The following TTLL4 variants were observed in gnomAD, a reference collection of about 807,000 sequenced individuals.
TTLL4 encodes tubulin tyrosine ligase like 4, also known as tubulin monoglutamylase TTLL4.
In TTLL4, 85 loss-of-function variants were observed where a neutral mutation model predicts 122.7. That is an observed-to-expected ratio of 0.69 (90% CI 0.58 to 0.83). The LOEUF is 0.83. Ranked by LOEUF, TTLL4 falls within the 40% of genes least tolerant of loss-of-function variation. The pLI is 0.00. For missense variants in TTLL4, 1,363 were observed against 1,488.6 expected (o/e 0.92, Z 1.39); for synonymous variants, 553 against 563.0 (o/e 0.98, Z 0.25).
rs12611516 is a variant in TTLL4, at chr2:218,726,057, C to T, written c.-177-1212C>T. 2.0e-5 allele frequency among the ~76,000 whole-genome samples: 3 copies of T among 151,678 alleles called. No individual in the cohort carries two copies. In the East Asian group the frequency reaches 5.8e-4, roughly 29 times the overall value. ...TTTTTGCATGTTAATTTTTTTTTCC[C>T]CTTCAAATTGAAGAACTATCTTTAG... On this transcript the variant is annotated intron_variant, in intron 1 of 19. Transcript: ENST00000392102.
chr2:218,739,049 A>T lies in TTLL4; in HGVS notation c.1373A>T (p.Gln458Leu), dbSNP rs1387512877. Residue 458 changes from glutamine (Q) to leucine (L), a missense_variant, in exon 3 of 20, where the codon CAA becomes CTA. Gln to Leu is a moderately radical substitution (Grantham distance 113). Coordinates refer to ENST00000392102, the MANE Select transcript of TTLL4 (RefSeq NM_014640.5). ...AAAGCTCCAGGTCCCCCTTTTCCTC[A>T]AACTCTTGGCATAGCCAACGTGGCC... The part of the protein sequence containing the change: ...EGKAPGPPFP[Q>L]TLGIANVATR... The T allele has an allele frequency of 7.4e-6, 12 of 1,613,982 alleles. No homozygotes were observed. The highest frequency in any genetic ancestry group is 1.0e-5 in the Non-Finnish European group (12 of 1,180,026).
rs776495721 is a variant in TTLL4 at position 218,718,389 on chromosome 2, T to C, written c.-178+7352T>C. On this transcript the variant is annotated intron_variant, in intron 1 of 19. Transcript: ENST00000392102. ...ATAGATTTTCTTTTCTTTTTTTTTT[T>C]TCTTTTGAGACGCAGTTTCACTCTT... Among the ~76,000 whole-genome samples the C allele has an allele frequency of 3.9e-5, 6 of 152,068 alleles. No homozygotes were observed. The East Asian group carries it at 1.2e-3, about 29-fold the overall frequency.
chr2:218,737,576 C>G lies in TTLL4; in HGVS notation c.-98-3C>G. ...CATTTCCTATCATTTCTCTCCACTTCAGACTGACAGACTTCAAGGATGCAG... is the reference window on the plus strand; with the variant it reads ...CATTTCCTATCATTTCTCTCCACTTGAGACTGACAGACTTCAAGGATGCAG... On this transcript the variant is annotated splice_polypyrimidine_tract_variant and splice_region_variant and intron_variant, in intron 2 of 19. Transcript: ENST00000392102. The G allele has an allele frequency of 7.4e-7, 1 of 1,348,586 alleles. No individual in the cohort carries two copies. Among genetic ancestry groups the G allele is most frequent in the Non-Finnish European group, 1.0e-6 (1 of 983,726 alleles). 83.5% of individuals were successfully genotyped at this position (1,348,586 alleles called of 1,614,324 possible).
rs146513997 is a variant in TTLL4 at position 218,738,445 on chromosome 2, G to C, written c.769G>C (p.Gly257Arg). ...IQPVSWHHSG[G>R]TGDCAPQPVD... The stretch of plus-strand genomic sequence containing the variant: ...GCCTGTCTCCTGGCATCATTCAGGG[G>C]GTACTGGAGACTGTGCACCGCAGCC... The change falls in exon 3 of 20, where the codon GGT becomes CGT. Residue 257 changes from glycine to arginine, a missense_variant. Transcript: ENST00000392102. 3.7e-6 allele frequency: 6 copies of C among 1,614,066 alleles called. No individual in the cohort carries two copies. Among genetic ancestry groups the C allele is most frequent in the African/African-American group, 1.3e-5 (1 of 74,918 alleles).
intron 14 of TTLL4, among the ~76,000 whole-genome samples, chr2:218,749,758 C>T (rs539035300): frequency 7.2e-5 from 11 of 152,198 alleles, no homozygotes; most frequent in South Asian, 2.1e-4. Flanking sequence ...TGAGCCACCA[C>T]GCCCAGCCAG....
At chr2:218,748,654 CAAAA>C (rs570493846) in intron 12 of TTLL4, 178 bp from the exon 13 acceptor site, 6,387 of 227,912 alleles carry the variant, frequency 0.028, 25 homozygotes, top group Non-Finnish European at 0.037. Context: ...AACTCCATCT[CAAAA>C]AAAAAAAAAA....
chr2:218,733,029 C>T (rs1942422493), intron 2 of TTLL4, among the ~76,000 whole-genome samples: 1 of 152,118 alleles, frequency 6.6e-6, no homozygotes, highest in Non-Finnish European at 1.5e-5. Flanking sequence ...TTTGTCTTTG[C>T]TTGGTAATTC....
rs201569250 is a variant in TTLL4, at chr2:218,739,153, A to G, written c.1477A>G (p.Arg493Gly). ...GGCCAGGGAGCTGGACTCATCTGAT[A>G]GGGATATTAGGTATGTTGGCAATGT... ...EEARELDSSD[R>G]DISSATDLQP... Residue 493 changes from arginine to glycine, a missense_variant, in exon 3 of 20, where the codon AGG becomes GGG. Arg to Gly is a moderately radical substitution (Grantham distance 125, BLOSUM62 -2). Around this residue, in one of 3 missense-constraint regions of TTLL4, gnomAD observed 760 missense variants for 808.4 expected, o/e 0.94. Transcript: ENST00000392102. 7.5e-6 allele frequency: 12 copies of G among 1,610,380 alleles called. No individual in the cohort carries two copies. The highest frequency in any genetic ancestry group is 9.3e-6 in the Non-Finnish European group (11 of 1,178,978).
At chr2:218,753,544 C>T in intron 18 of TTLL4, 40 bp from the exon 19 acceptor site, 1 of 1,604,020 alleles carries the variant, frequency 6.2e-7, no homozygotes, top group South Asian at 1.1e-5. Context: ...TGCCTTGCCT[C>T]CGCCAAGCCT....
At chr2:218,749,221 T>C in intron 13 of TTLL4, 32 bp from the exon 14 acceptor site, 1 of 1,612,960 alleles carries the variant, frequency 6.2e-7, no homozygotes, top group Non-Finnish European at 8.5e-7. Flanking sequence ...TGGGAGGAGC[T>C]GAACTGAGTA....
Position 218,748,291 on chromosome 2 carries a change from G to C in TTLL4, c.2501+64G>C, listed in dbSNP as rs112019710. The C allele has an allele frequency of 6.3e-6, 10 of 1,599,674 alleles. No individual in the cohort carries two copies. The African/African-American group carries it at 1.2e-4, about 19-fold the overall frequency. ...GAGGAATACAGGGTTCTGGGGTTTTGGGAGGTTCAGGGGCATGGCGAGTGG... is the reference window on the plus strand; with the variant it reads ...GAGGAATACAGGGTTCTGGGGTTTTCGGAGGTTCAGGGGCATGGCGAGTGG... On this transcript the variant is annotated intron_variant, in intron 12 of 19. Coordinates refer to ENST00000392102, the MANE Select transcript of TTLL4 (RefSeq NM_014640.5).
intron 7 of TTLL4, 41 bp from the exon 8 acceptor site, chr2:218,746,114 T>G: frequency 1.0e-4 from 166 of 1,602,064 alleles, no homozygotes; most frequent in Non-Finnish European, 1.3e-4. Flanking sequence ...GTCCCTGGAC[T>G]GAGCTGTTAG....
intron 7 of TTLL4, 49 bp from the exon 8 acceptor site, chr2:218,746,106 C>G: frequency 5.0e-6 from 8 of 1,608,536 alleles, no homozygotes; most frequent in Non-Finnish European, 6.8e-6. Context: ...CTCTCTCTGT[C>G]CCTGGACTGA....
In TTLL4 at chr2:218,751,051, T is replaced by C. The variant is rs192989921; in HGVS notation, c.2874-653T>C. ...AGGAGAAAACTGAAGCTCTTTGGGATTAAGTAGCCCATCAAAGTTATTCAA... is the reference window on the plus strand; with the variant it reads ...AGGAGAAAACTGAAGCTCTTTGGGACTAAGTAGCCCATCAAAGTTATTCAA... On this transcript the variant is annotated intron_variant, in intron 15 of 19. Transcript: ENST00000392102. 3.7e-3 allele frequency among the ~76,000 whole-genome samples: 566 copies of C among 152,260 alleles called. 2 individuals are homozygous for C. The highest frequency in any genetic ancestry group is 0.013 in the African/African-American group (530 of 41,542).
rs1942607375 is a variant in TTLL4 at position 218,738,654 on chromosome 2, T to C, written c.978T>C (p.Asp326=). ...PLSCALDDSS[D]SQDPTKEIRF... is the part of the protein sequence containing the mutation. Reference sequence around the variant, plus strand: ...CCTGTGCTCTGGATGACAGCTCTGATTCCCAGGATCCAACTAAGGAGATTC... The same window carrying C: ...CCTGTGCTCTGGATGACAGCTCTGACTCCCAGGATCCAACTAAGGAGATTC... The change falls in exon 3 of 20, where the codon GAT becomes GAC. Residue 326 remains aspartate (D), a synonymous_variant. Coordinates refer to ENST00000392102, the MANE Select transcript of TTLL4 (RefSeq NM_014640.5). 6.2e-7 allele frequency: 1 copy of C among 1,614,080 alleles called. No homozygotes were observed. The highest frequency in any genetic ancestry group is 1.3e-5 in the African/African-American group (1 of 74,936).
At position 218,739,115 on chromosome 2, in the gene TTLL4, A is replaced by G. The variant is rs1353019934; in HGVS notation, c.1439A>G (p.Glu480Gly). The G allele has an allele frequency of 1.9e-6, 3 of 1,614,070 alleles. No homozygotes were observed. The highest frequency in any genetic ancestry group is 2.2e-5 in the South Asian group (2 of 91,092). ...ATCCAGCTGGGCCAGTCTGAGAAGG[A>G]GAGACCTGAGGAGGCCAGGGAGCTG... ...SSIQLGQSEK[E>G]RPEEARELDS... Residue 480 changes from glutamate (E) to glycine (G), a missense_variant, in exon 3 of 20, where the codon GAG (glutamate) becomes GGG (glycine). Around this residue, in one of 3 missense-constraint regions of TTLL4, gnomAD observed 760 missense variants for 808.4 expected, o/e 0.94. Transcript: ENST00000392102.
chr2:218,740,748 G>T (rs1188754524), intron 5 of TTLL4, among the ~76,000 whole-genome samples, 164 bp downstream of exon 5: 1 of 152,094 alleles, frequency 6.6e-6, no homozygotes, highest in Admixed American at 6.6e-5. Context: ...GTAATGGGGG[G>T]CCAGAAGCAC....
At chr2:218,753,026 C>A in intron 17 of TTLL4, 53 bp downstream of exon 17, 1 of 1,613,276 alleles carries the variant, frequency 6.2e-7, no homozygotes, top group Non-Finnish European at 8.5e-7. Flanking sequence ...AGATTAAATC[C>A]CAGTATACCA....
chr2:218,742,129 A>T (rs57817060), intron 5 of TTLL4, among the ~76,000 whole-genome samples: 8,477 of 151,832 alleles, frequency 0.056, 712 homozygotes, highest in African/African-American at 0.18. Flanking sequence ...CCAGCTAATT[A>T]AAAAAAATTT....
Sources: gnomAD v4.1 joint callset for allele counts (sites outside exome capture counted in the v4.1 genomes callset) on GRCh38, gnomAD v4.1.1 for gene constraint, gnomAD v4.1.1 regional missense constraint, MANE v1.5 for transcripts, NCBI Gene and HGNC (gene_info 2026-07-23, HGNC 2026-07-21) for gene names.